Variants in CLMP observed in about 807,000 individuals in gnomAD.
CLMP encodes CXADR-like membrane protein.
CLMP carries 27 observed loss-of-function variants against 45.2 expected under a neutral mutation model. The observed-to-expected ratio is 0.60, with a 90% CI of 0.44 to 0.82. The LOEUF is 0.82. CLMP is among the 40% of genes least tolerant of loss of function. CLMP has a pLI of 0.00. For missense variants in CLMP, 403 were observed against 448.4 expected (o/e 0.90, Z 0.91); for synonymous variants, 167 against 171.4 (o/e 0.97, Z 0.20).
intron 4 of CLMP, 107 bp downstream of exon 4, chr11:123,083,573 A>G (rs1239819021): frequency 2.7e-6 from 3 of 1,131,222 alleles, no homozygotes; most frequent in African/African-American, 3.1e-5. Context: ...CAGGAGGTTC[A>G]GCAGGGTATT....
At chr11:123,120,524 T>C (rs1468811072) in intron 1 of CLMP, among the ~76,000 whole-genome samples, 1 of 152,216 alleles carries the variant, frequency 6.6e-6, no homozygotes, top group African/African-American at 2.4e-5. Flanking sequence ...AAGTTCTTTA[T>C]CCTCTCTTAG....
intron 1 of CLMP, among the ~76,000 whole-genome samples, chr11:123,100,405 T>C (rs888878791): frequency 2.0e-5 from 3 of 150,348 alleles, no homozygotes; most frequent in Admixed American, 2.0e-4. Flanking sequence ...AAACCAAAGA[T>C]TGTTTTCAAG....
intron 2 of CLMP, among the ~76,000 whole-genome samples, chr11:123,086,026 C>T (rs1287676593): frequency 6.6e-6 from 1 of 152,132 alleles, no homozygotes; most frequent in Admixed American, 6.6e-5. Flanking sequence ...ATCTGCCTGC[C>T]TCAGCCTCCC....
intron 2 of CLMP, among the ~76,000 whole-genome samples, chr11:123,090,761 A>G (rs73017815): frequency 2.9e-3 from 436 of 152,246 alleles, no homozygotes; most frequent in Non-Finnish European, 4.6e-3. Flanking sequence ...GTCCGGTTGC[A>G]TTTTCTCATG....
At chr11:123,132,907 G>A (rs188535884) in intron 1 of CLMP, among the ~76,000 whole-genome samples, 280 of 151,900 alleles carry the variant, frequency 1.8e-3, no homozygotes, top group African/African-American at 5.9e-3. Context: ...AGCCTTGCAA[G>A]TAGGCGTGCA....
At chr11:123,160,304 A>AAAT (rs33974682) in intron 1 of CLMP, among the ~76,000 whole-genome samples, 25 of 149,874 alleles carry the variant, frequency 1.7e-4, no homozygotes, top group African/African-American at 6.1e-4. Flanking sequence ...AAAAAAAAAA[A>AAAT]GGAAAGTAAA....
chr11:123,085,697 T>C (rs1185290203), intron 2 of CLMP, among the ~76,000 whole-genome samples: 1 of 151,068 alleles, frequency 6.6e-6, no homozygotes, highest in Non-Finnish European at 1.5e-5. Context: ...GTTACCCCTC[T>C]GCACACATGA....
In CLMP at chr11:123,160,964, T is replaced by C. The variant is rs80121222; in HGVS notation, c.28+33949A>G. ...CTGCACTCCAGCCTGGGTGACAGAG[T>C]GAGACCCTGCCTCAAAAAAAAAAAA... On this transcript the variant is annotated intron_variant, in intron 1 of 6. Transcript: ENST00000448775. Among the ~76,000 whole-genome samples the C allele has an allele frequency of 3.3e-3, 476 of 142,244 alleles. 10 individuals are homozygous for C. The East Asian group carries it at 0.049, about 15-fold the overall frequency. The allele number at this position is 142,244 out of a possible 152,430, so 93.3% of individuals were successfully genotyped here.
At chr11:123,132,502 A>C (rs1042748988) in intron 1 of CLMP, among the ~76,000 whole-genome samples, 1 of 151,934 alleles carries the variant, frequency 6.6e-6, no homozygotes. Flanking sequence ...TCTGTTGCTC[A>C]GGCTGGAGTG....
At chr11:123,125,961 C>T (rs1860888998) in intron 1 of CLMP, among the ~76,000 whole-genome samples, 1 of 152,064 alleles carries the variant, frequency 6.6e-6, no homozygotes, top group South Asian at 2.1e-4. Flanking sequence ...AGGAAGCACC[C>T]ACTGGACAAT....
intron 1 of CLMP, among the ~76,000 whole-genome samples, chr11:123,159,367 G>C (rs1489984965): frequency 6.6e-6 from 1 of 152,172 alleles, no homozygotes; most frequent in Non-Finnish European, 1.5e-5. Flanking sequence ...GCCTGCATGT[G>C]ACAGGAAGGA....
intron 1 of CLMP, among the ~76,000 whole-genome samples, 195 bp from the exon 2 acceptor site, chr11:123,098,147 C>G (rs1241949081): frequency 1.3e-5 from 2 of 152,192 alleles, no homozygotes; most frequent in Non-Finnish European, 2.9e-5. Context: ...ATCACATCTT[C>G]TTTAACCACC....
Position 123,072,382 on chromosome 11 carries a change from C to T in CLMP, c.*1092G>A, listed in dbSNP as rs1346983148. On this transcript the variant is annotated 3_prime_UTR_variant, in exon 7 of 7. Coordinates refer to ENST00000448775, the MANE Select transcript of CLMP (RefSeq NM_024769.5). ...GGAGTGCAATGGCATAATCTTGGCT[C>T]ACTGCAACCTCCACCTGCTGGATTT... 6.6e-6 allele frequency: 1 copy of T among 150,878 alleles called. No homozygotes were observed. The highest frequency in any genetic ancestry group is 1.5e-5 in the Non-Finnish European group (1 of 67,882). 9.3% of individuals were successfully genotyped at this position (150,878 alleles called of 1,614,324 possible).
intron 1 of CLMP, among the ~76,000 whole-genome samples, chr11:123,141,027 G>A (rs1260453507): frequency 6.6e-6 from 1 of 152,038 alleles, no homozygotes; most frequent in Non-Finnish European, 1.5e-5. Flanking sequence ...TGATATATGG[G>A]CTTCCCCTTT....
At chr11:123,082,498 G>A (rs1865817244) in intron 5 of CLMP, among the ~76,000 whole-genome samples, 2 of 152,000 alleles carry the variant, frequency 1.3e-5, no homozygotes, top group Admixed American at 1.3e-4. Context: ...TAGTAGAGAT[G>A]GGGTTTCACC....
At chr11:123,141,985 CTT>C (rs10714246) in intron 1 of CLMP, among the ~76,000 whole-genome samples, 14,192 of 117,508 alleles carry the variant, frequency 0.12, 621 homozygotes, top group South Asian at 0.22. Flanking sequence ...TCCCCCCAGC[CTT>C]TTTTTTTTTT....
chr11:123,075,096 C>T (rs528626034), intron 5 of CLMP, among the ~76,000 whole-genome samples: 1 of 152,092 alleles, frequency 6.6e-6, no homozygotes, highest in Admixed American at 6.5e-5. Flanking sequence ...GCTGGGATCA[C>T]AGGCGTGCAC....
intron 5 of CLMP, 117 bp downstream of exon 5, chr11:123,082,968 T>C: frequency 8.0e-7 from 1 of 1,246,692 alleles, no homozygotes; most frequent in Non-Finnish European, 1.1e-6. Context: ...CATATCCTTC[T>C]GGAGATAAAG....
At chr11:123,174,486 T>A (rs994113781) in intron 1 of CLMP, among the ~76,000 whole-genome samples, 1 of 152,214 alleles carries the variant, frequency 6.6e-6, no homozygotes, top group African/African-American at 2.4e-5. Flanking sequence ...CAAAATATAA[T>A]ATTTCATATC....
Sources: allele counts gnomAD v4.1 joint callset (sites outside exome capture counted in the v4.1 genomes callset), GRCh38; gene constraint gnomAD v4.1.1; transcripts MANE v1.5; gene names NCBI Gene and HGNC (gene_info 2026-07-23, HGNC 2026-07-21).